The following PRAG1 variants were observed in gnomAD, a reference collection of about 807,000 sequenced individuals.
The protein encoded by PRAG1 is inactive tyrosine-protein kinase PRAG1.
Under a neutral mutation model 95.6 loss-of-function variants are expected in PRAG1, and 110 were observed. The observed-to-expected ratio is 1.15, with a 90% confidence interval of 0.99 to 1.35. The LOEUF (loss-of-function observed/expected upper bound fraction) is 1.35. Among genes scored for constraint, PRAG1 ranks in the 40% most tolerant of loss-of-function variants. PRAG1 has a pLI of 0.00. For synonymous variants in PRAG1, 1,052 were observed against 819.4 expected (o/e 1.28, Z -4.85); for missense variants, 2,554 against 1,864.7 (o/e 1.37, Z -6.81).
rs773174239 is a variant in PRAG1 at position 8,318,373 on chromosome 8, G to C, written c.4002C>G (p.Arg1334=). The C allele has an allele frequency of 1.9e-6, 3 of 1,613,272 alleles. No homozygotes were observed. Among genetic ancestry groups the C allele is most frequent in the Admixed American group, 1.7e-5 (1 of 59,978 alleles). Residue 1334 remains arginine (R), a synonymous_variant, in exon 6 of 6, where the codon CGC becomes CGG. Coordinates refer to ENST00000615670, the MANE Select transcript of PRAG1 (RefSeq NM_001080826.3). The surrounding 1 kb of genome is among the most constrained non-coding windows in gnomAD (Gnocchi z 4.2). ...VLQCLLWGPR[R]ELVQQPGTSE... is the part of the protein sequence containing the mutation. ...AGGTGCCCGGCTGCTGCACCAGCTC[G>C]CGCCGAGGCCCCCACAGCAGGCACT...
chr8:8,383,380 G>A (rs527293364), intron 1 of PRAG1, among the ~76,000 whole-genome samples: 6 of 152,182 alleles, frequency 3.9e-5, no homozygotes, highest in Non-Finnish European at 7.4e-5. Context: ...AGACCAGCCT[G>A]GGTAACACAG....
rs747920786 is a variant in PRAG1 at position 8,381,581 on chromosome 8, G to T, written c.167C>A (p.Pro56His). 70 of 1,614,166 alleles carry T rather than the reference G, an allele frequency of 4.3e-5. No homozygotes were observed. Among genetic ancestry groups the T allele is most frequent in the Admixed American group, 6.7e-5 (4 of 60,028 alleles). ...AGGCCTGGGAGGCAGGCGCGGTGGA[G>T]GGGGCAGGCTGCCCGCTCTGGGCTG... ...PPQPRAGSLP[P>H]PPRLPPRPEN... The change falls in exon 2 of 6, where the codon CCT (proline) becomes CAT (histidine). Residue 56 changes from proline (P) to histidine (H), a missense_variant. Pro to His is a moderately conservative substitution (Grantham distance 77). Coordinates refer to ENST00000615670, the MANE Select transcript of PRAG1 (RefSeq NM_001080826.3).
chr8:8,339,707 T>C (rs934907375), intron 3 of PRAG1, 72 bp from the exon 4 acceptor site: 7 of 1,474,764 alleles, frequency 4.7e-6, no homozygotes, highest in Admixed American at 3.7e-5. Context: ...TGATGGATCA[T>C]GAACTTACCA....
intron 3 of PRAG1, among the ~76,000 whole-genome samples, chr8:8,372,209 T>G (rs1585271043): frequency 6.6e-6 from 1 of 152,204 alleles, no homozygotes; most frequent in Non-Finnish European, 1.5e-5. Context: ...CCAGCTCTGC[T>G]GTTCTCGTTA....
intron 2 of PRAG1, among the ~76,000 whole-genome samples, chr8:8,378,552 T>C (rs1044878041): frequency 6.6e-6 from 1 of 152,078 alleles, no homozygotes; most frequent in Admixed American, 6.5e-5. Flanking sequence ...GTCTTAAGTG[T>C]TTTTAAAACA....
At chr8:8,343,308 C>CAACA (rs753934610) in intron 3 of PRAG1, among the ~76,000 whole-genome samples, 2 of 152,112 alleles carry the variant, frequency 1.3e-5, no homozygotes, top group Non-Finnish European at 2.9e-5. Flanking sequence ...ACACACAGGA[C>CAACA]AACAATGTGA....
chr8:8,344,069 T>A (rs1799256502), intron 3 of PRAG1, among the ~76,000 whole-genome samples: 1 of 152,180 alleles, frequency 6.6e-6, no homozygotes, highest in African/African-American at 2.4e-5. Context: ...GTCCTTAAAA[T>A]GTGGCATGCA....
At chr8:8,367,075 A>G (rs1800032351) in intron 3 of PRAG1, among the ~76,000 whole-genome samples, 1 of 152,124 alleles carries the variant, frequency 6.6e-6, no homozygotes, top group South Asian at 2.1e-4. Context: ...CAACCTGCAG[A>G]CACCACAAAT....
At position 8,386,348 on chromosome 8, in the gene PRAG1, C is replaced by G. The variant is rs1322197982; in HGVS notation, c.-115G>C. On this transcript the variant is annotated 5_prime_UTR_variant, in exon 1 of 6. Coordinates refer to ENST00000615670, the MANE Select transcript of PRAG1 (RefSeq NM_001080826.3). ...CTGGGCTGCGCTCCCCCGGCCCCTC[C>G]GTCGGTCTCCGAGCCGCCAGCCGCC... 2 of 152,288 alleles carry G rather than the reference C, an allele frequency of 1.3e-5. No homozygotes were observed. The highest frequency in any genetic ancestry group is 4.8e-5 in the African/African-American group (2 of 41,448). The allele number at this position is 152,288 out of a possible 1,614,324, so 9.4% of individuals were successfully genotyped here.
intron 5 of PRAG1, among the ~76,000 whole-genome samples, chr8:8,322,776 C>T (rs920424815): frequency 6.6e-6 from 1 of 152,212 alleles, no homozygotes; most frequent in African/African-American, 2.4e-5. Context: ...ATAACTCTCT[C>T]AACCAAGTGC....
At chr8:8,324,955 T>C (rs1237309275) in intron 5 of PRAG1, among the ~76,000 whole-genome samples, 2 of 152,156 alleles carry the variant, frequency 1.3e-5, no homozygotes, top group Non-Finnish European at 2.9e-5. Flanking sequence ...CCCAAAGTAG[T>C]AGGTTCCAGC....
At chr8:8,379,510 A>T (rs1265343971) in intron 2 of PRAG1, among the ~76,000 whole-genome samples, 2 of 152,194 alleles carry the variant, frequency 1.3e-5, no homozygotes, top group Admixed American at 6.5e-5. Flanking sequence ...GCAGCTTAGG[A>T]AAAAACAGAG....
chr8:8,339,675 G>C, intron 3 of PRAG1, 40 bp from the exon 4 acceptor site: 1 of 1,578,408 alleles, frequency 6.3e-7, no homozygotes. Flanking sequence ...TAACTCATTG[G>C]ATTTCCATTC....
In PRAG1 at chr8:8,381,634, G is replaced by T. The variant is rs201809392; in HGVS notation, c.114C>A (p.Ser38Arg). ...GSCKNCFCLR[S>R]DHQLVAGPPQ... ...GAGGGCCGGCCACCAGCTGGTGGTC[G>T]CTCCGCAGGCAGAAGCAGTTCTTGC... is the stretch of plus-strand genomic sequence containing the variant. Residue 38 changes from serine to arginine, a missense_variant, in exon 2 of 6, where the codon AGC becomes AGA. Transcript: ENST00000615670. 4.3e-6 allele frequency: 7 copies of T among 1,613,894 alleles called. No homozygotes were observed. Among genetic ancestry groups the T allele is most frequent in the Non-Finnish European group, 5.9e-6 (7 of 1,179,828 alleles).
chr8:8,371,063 G>C (rs1800180376), intron 3 of PRAG1, among the ~76,000 whole-genome samples: 1 of 150,268 alleles, frequency 6.7e-6, no homozygotes, highest in Non-Finnish European at 1.5e-5. Context: ...TTGAACCCGG[G>C]AGGCGGAGGT....
intron 3 of PRAG1, among the ~76,000 whole-genome samples, chr8:8,358,498 G>C (rs1278647535): frequency 6.6e-6 from 1 of 152,126 alleles, no homozygotes; most frequent in Non-Finnish European, 1.5e-5. Context: ...ATCTTGTCTT[G>C]GTTTTTCAGG....
At chr8:8,334,658 C>T (rs1450181985) in intron 4 of PRAG1, among the ~76,000 whole-genome samples, 2 of 149,776 alleles carry the variant, frequency 1.3e-5, no homozygotes, top group Non-Finnish European at 3.0e-5. Context: ...CTTTGGAAAA[C>T]AGGCTCTAAG....
At chr8:8,335,006 G>C (rs1798942926) in intron 4 of PRAG1, among the ~76,000 whole-genome samples, 1 of 151,934 alleles carries the variant, frequency 6.6e-6, no homozygotes, top group South Asian at 2.1e-4. Context: ...TGGAGGTGGG[G>C]CTTGCAGTGA....
At chr8:8,385,340 T>A (rs1800812997) in intron 1 of PRAG1, among the ~76,000 whole-genome samples, 1 of 152,146 alleles carries the variant, frequency 6.6e-6, no homozygotes, top group South Asian at 2.1e-4. Context: ...TCACCCAACT[T>A]TTCCTTTTCT....
Sources: allele counts gnomAD v4.1 joint callset (sites outside exome capture counted in the v4.1 genomes callset), GRCh38; gene constraint gnomAD v4.1.1; non-coding constraint Gnocchi (gnomAD v3.1); transcripts MANE v1.5; gene names NCBI Gene and HGNC (gene_info 2026-07-23, HGNC 2026-07-21).